Variants in FCHO1 observed in about 807,000 individuals in gnomAD.
FCHO1 encodes FCH and mu domain containing endocytic adaptor 1, also known as F-BAR domain only protein 1.
A neutral mutation model predicts 114.4 loss-of-function variants in FCHO1; 45 were observed. The ratio of observed to expected loss-of-function variants is 0.39; its 90% CI spans 0.31 to 0.50. The LOEUF (loss-of-function observed/expected upper bound fraction) is 0.50. Among genes scored for constraint, FCHO1 ranks in the 20% least tolerant of loss-of-function variants. The probability of loss-of-function intolerance (pLI) is 0.77; values close to 1 mark genes in which losing one functional copy is unlikely to be tolerated. For synonymous variants in FCHO1, 480 were observed against 488.9 expected (o/e 0.98, Z 0.24); for missense variants, 1,042 against 1,209.6 (o/e 0.86, Z 2.06).
rs71162196 is a variant in FCHO1, at chr19:17,767,074, G to GTT, written c.336+275_336+276dup. Among the ~76,000 whole-genome samples, 405 of 138,294 alleles carry GTT rather than the reference G, an allele frequency of 2.9e-3. 2 individuals are homozygous for GTT. The highest frequency in any genetic ancestry group is 3.8e-3 in the Middle Eastern group (1 of 266). The allele number at this position is 138,294 out of a possible 152,430, so 90.7% of individuals were successfully genotyped here. A position where few individuals can be genotyped will look rare whatever the true frequency, so the allele number is the denominator to read the frequency against. On this transcript the variant is annotated intron_variant, in intron 7 of 28. Coordinates refer to ENST00000596536, the MANE Select transcript of FCHO1 (RefSeq NM_015122.3). ...ACCAATGTTTGTACAGCTAAGAAGG[G>GTT]TTTTTTTTTTTTCTGCTTGTTTGTT... is the stretch of plus-strand genomic sequence containing the variant.
rs779427952 is a variant in FCHO1 at position 17,760,743 on chromosome 19, G to A, written c.28-2019G>A. Among the ~76,000 whole-genome samples, 90 of 152,144 alleles carry A rather than the reference G, an allele frequency of 5.9e-4. 1 individual carries two copies. Among genetic ancestry groups the A allele is most frequent in the Middle Eastern group, 6.8e-3 (2 of 294 alleles). On this transcript the variant is annotated intron_variant, in intron 4 of 28. Coordinates refer to ENST00000596536, the MANE Select transcript of FCHO1 (RefSeq NM_015122.3). Reference sequence around the variant, plus strand: ...TGGCTCATTGTAACCTCCGCCTCCCGGGTTCAAGTGATTCTCCTGCCTCAG... The same window carrying A: ...TGGCTCATTGTAACCTCCGCCTCCCAGGTTCAAGTGATTCTCCTGCCTCAG...
At chr19:17,783,240 T>G (rs1370686094) in intron 24 of FCHO1, 68 bp downstream of exon 24, 11 of 1,479,524 alleles carry the variant, frequency 7.4e-6, no homozygotes, top group Non-Finnish European at 1.0e-5. Context: ...GACTCTGAGT[T>G]CCCTCTCTGC....
In FCHO1 at chr19:17,778,898, G is replaced by A; in HGVS notation, c.1627+14G>A. On this transcript the variant is annotated intron_variant, in intron 20 of 28. Coordinates refer to ENST00000596536, the MANE Select transcript of FCHO1 (RefSeq NM_015122.3). ...TGGCCGGAGGAGGTGAGTCCAGCGG[G>A]CCTGGGCCTGAGAGTTGCTGGAACC... 1.3e-6 allele frequency: 2 copies of A among 1,531,462 alleles called. No individual in the cohort carries two copies. Among genetic ancestry groups the A allele is most frequent in the Non-Finnish European group, 1.7e-6 (2 of 1,147,760 alleles). 94.9% of individuals were successfully genotyped at this position (1,531,462 alleles called of 1,614,324 possible). A position where few individuals can be genotyped will look rare whatever the true frequency, so the allele number is the denominator to read the frequency against.
intron 18 of FCHO1, among the ~76,000 whole-genome samples, chr19:17,777,241 A>T (rs939981334): frequency 4.6e-5 from 7 of 152,040 alleles, no homozygotes; most frequent in African/African-American, 1.7e-4. Context: ...CCAGATTTTA[A>T]GAATAGCAAA....
At position 17,776,454 on chromosome 19, in the gene FCHO1, G is replaced by A. The variant is rs2092643633; in HGVS notation, c.1208-181G>A. 6.6e-6 allele frequency among the ~76,000 whole-genome samples: 1 copy of A among 152,120 alleles called. No homozygotes were observed. Among genetic ancestry groups the A allele is most frequent in the East Asian group, 1.9e-4 (1 of 5,200 alleles). ...AAGTGAGAGCTGAAAGGGGTAGCTG[G>A]GGCCAGGAGAAGCTAGCATCTGGAG... On this transcript the variant is annotated intron_variant, in intron 17 of 28. Coordinates refer to ENST00000596536, the MANE Select transcript of FCHO1 (RefSeq NM_015122.3). This position sits in a 1 kb window ranked among gnomAD's most constrained non-coding sequence, Gnocchi z 4.4.
chr19:17,761,631 TAC>T (rs1271384870), intron 4 of FCHO1, among the ~76,000 whole-genome samples: 2 of 91,466 alleles, frequency 2.2e-5, no homozygotes, highest in East Asian at 6.6e-4. Flanking sequence ...TTCATGTATA[TAC>T]ATATATATAT....
Position 17,764,416 on chromosome 19 carries a change from TCTCCAAGCTGGCCAGCAACGGGACCC to T in FCHO1, c.163_188del (p.Ser55HisfsTer104), listed in dbSNP as rs759209210. On this transcript the variant is annotated frameshift_variant, in exon 6 of 29. Coordinates refer to ENST00000596536, the MANE Select transcript of FCHO1 (RefSeq NM_015122.3). LOFTEE classifies it high-confidence loss of function. ...ACCTACTCGAAGGCGATGGCGAAAC[TCTCCAAGCTGGCCAGCAACGGGACCC>T]CCATGGGGTGAGTGGGGTAGGGGTC... The T allele has an allele frequency of 1.2e-6, 2 of 1,613,346 alleles. No homozygotes were observed. Among genetic ancestry groups the T allele is most frequent in the Non-Finnish European group, 1.7e-6 (2 of 1,179,822 alleles).
intron 5 of FCHO1, 42 bp from the exon 6 acceptor site, chr19:17,764,333 G>A (rs752242567): frequency 1.0e-5 from 16 of 1,593,978 alleles, no homozygotes; most frequent in African/African-American, 8.1e-5. Context: ...GAACCACTGC[G>A]CCCGGGCAGT....
At chr19:17,761,653 T>TATATATATATATAC (rs1491266072) in intron 4 of FCHO1, among the ~76,000 whole-genome samples, 4 of 139,728 alleles carry the variant, frequency 2.9e-5, no homozygotes, top group Non-Finnish European at 6.3e-5. Flanking sequence ...TATATATATA[T>TATATATATATATAC]ACACACACAC....
In FCHO1 at chr19:17,778,648, T is replaced by C. The variant is rs1321611777; in HGVS notation, c.1391T>C (p.Phe464Ser). 1.3e-6 allele frequency: 2 copies of C among 1,577,578 alleles called. No homozygotes were observed. Among genetic ancestry groups the C allele is most frequent in the Non-Finnish European group, 1.7e-6 (2 of 1,165,392 alleles). ...SLGFTSSPSP[F>S]SSSSPENVED... Reference sequence around the variant, plus strand: ...GGCTTCACCTCCAGCCCCTCCCCTTTCTCCTCCTCGTCGCCCGAAAACGTG... The same window carrying C: ...GGCTTCACCTCCAGCCCCTCCCCTTCCTCCTCCTCGTCGCCCGAAAACGTG... The change falls in exon 20 of 29, where the codon TTC becomes TCC. Residue 464 changes from phenylalanine (F) to serine (S), a missense_variant. Phe to Ser is a radical substitution (Grantham distance 155, BLOSUM62 -2). Transcript: ENST00000596536.
Position 17,782,103 on chromosome 19 carries a change from G to A in FCHO1, c.1937+283G>A, listed in dbSNP as rs147911977. Among the ~76,000 whole-genome samples, 548 of 151,642 alleles carry A rather than the reference G, an allele frequency of 3.6e-3. 3 individuals are homozygous for A. Among genetic ancestry groups the A allele is most frequent in the African/African-American group, 0.012 (504 of 41,208 alleles). The stretch of plus-strand genomic sequence containing the variant: ...CAGCTCACTGCAACCTCTGCCTCCC[G>A]GGTTCAAGCAATTCTCCTGTCTCAG... On this transcript the variant is annotated intron_variant, in intron 23 of 28. Coordinates refer to ENST00000596536, the MANE Select transcript of FCHO1 (RefSeq NM_015122.3).
intron 7 of FCHO1, among the ~76,000 whole-genome samples, chr19:17,768,553 G>C (rs73518396): frequency 0.044 from 6,661 of 151,896 alleles, 446 homozygotes; most frequent in African/African-American, 0.15. Context: ...TTAGCCAGAC[G>C]TGGTGGCACA....
At chr19:17,781,921 AG>A (rs2093449491) in intron 23 of FCHO1, 101 bp downstream of exon 23, 5 of 781,150 alleles carry the variant, frequency 6.4e-6, no homozygotes. Context: ...TTATAGTGAA[AG>A]GGCCTTGAAC....
intron 5 of FCHO1, among the ~76,000 whole-genome samples, chr19:17,763,428 T>G (rs1333709317): frequency 6.6e-6 from 1 of 151,858 alleles, no homozygotes; most frequent in Non-Finnish European, 1.5e-5. Context: ...CACGTCTGGC[T>G]AATTTTTTTA....
chr19:17,774,444 C>T lies in FCHO1; in HGVS notation c.886C>T (p.Arg296Trp), dbSNP rs764148944. The T allele has an allele frequency of 2.6e-5, 42 of 1,613,564 alleles. No homozygotes were observed. The African/African-American group carries it at 3.2e-4, about 12-fold the overall frequency. ...GGCCTTTCGCCTTCCAGGACTAAGC[C>T]GGCGGGAGCGGGAGCCAGAGCCACC... is the stretch of plus-strand genomic sequence containing the variant. ...AKAFRLPGLS[R>W]REREPEPPAA... Residue 296 changes from arginine (R) to tryptophan (W), a missense_variant, in exon 13 of 29, where the codon CGG (arginine) becomes TGG (tryptophan). Around this residue, in one of 3 missense-constraint regions of FCHO1, gnomAD observed 450 missense variants for 564.1 expected, o/e 0.80. Coordinates refer to ENST00000596536, the MANE Select transcript of FCHO1 (RefSeq NM_015122.3).
Position 17,783,120 on chromosome 19 carries a change from G to A in FCHO1, c.2041G>A (p.Val681Ile). 6.2e-7 allele frequency: 1 copy of A among 1,614,152 alleles called. No individual in the cohort carries two copies. The highest frequency in any genetic ancestry group is 1.1e-5 in the South Asian group (1 of 91,086). Residue 681 changes from valine (V) to isoleucine (I), a missense_variant, in exon 24 of 29, where the codon GTA becomes ATA. Physicochemically the swap from Val to Ile is conservative, Grantham distance 29 (BLOSUM62 3). Around this residue, in one of 3 missense-constraint regions of FCHO1, gnomAD observed 455 missense variants for 455.4 expected, o/e 1.00. Transcript: ENST00000596536. ...ACCACCTGTCCTCAGCTTCCGGCTT[G>A]TACACACAACCGCTATTGAGCACTT... The part of the protein sequence containing the change: ...PPPPVLSFRL[V>I]HTTAIEHFQP...
In FCHO1 at chr19:17,788,162, T is replaced by C. The variant is rs1351493143; in HGVS notation, c.2648-122T>C. 4 of 653,202 alleles carry C rather than the reference T, an allele frequency of 6.1e-6. No homozygotes were observed. The African/African-American group carries it at 7.4e-5, about 12-fold the overall frequency. 40.5% of individuals were successfully genotyped at this position (653,202 alleles called of 1,614,324 possible). A position where few individuals can be genotyped will look rare whatever the true frequency, so the allele number is the denominator to read the frequency against. ...CCTGGGGCCCAGTGGCAACAGGGAC[T>C]ATGAGTTACAGGGGTGTTTTGAAGA... On this transcript the variant is annotated intron_variant, in intron 28 of 28. Coordinates refer to ENST00000596536, the MANE Select transcript of FCHO1 (RefSeq NM_015122.3).
Position 17,781,580 on chromosome 19 carries a change from G to A in FCHO1, c.1828+41G>A. 5 of 1,605,278 alleles carry A rather than the reference G, an allele frequency of 3.1e-6. No homozygotes were observed. The South Asian group carries it at 5.5e-5, about 18-fold the overall frequency. ...CCTGGGCCTGGCTTTGGGCCTCAGT[G>A]TCACCTTCTCTGGTCTGGGTGGGTG... On this transcript the variant is annotated intron_variant, in intron 22 of 28. Transcript: ENST00000596536.
chr19:17,772,645 G>A lies in FCHO1; in HGVS notation c.694G>A (p.Val232Met). Residue 232 changes from valine to methionine, a missense_variant and splice_region_variant, in exon 11 of 29, where the codon GTG becomes ATG. Physicochemically the swap from Val to Met is conservative, Grantham distance 21. Around this residue, in one of 3 missense-constraint regions of FCHO1, gnomAD observed 450 missense variants for 564.1 expected, o/e 0.80. Coordinates refer to ENST00000596536, the MANE Select transcript of FCHO1 (RefSeq NM_015122.3). ...VEDTHVQIGQ[V>M]HEEFKQNIEN... ...TACACACCCCGCCCACCCGGCACAG[G>A]TGCATGAGGAATTTAAGCAGAACAT... 1 of 1,614,108 alleles carries A rather than the reference G, an allele frequency of 6.2e-7. No individual in the cohort carries two copies. The highest frequency in any genetic ancestry group is 8.5e-7 in the Non-Finnish European group (1 of 1,180,016).
Sources: allele counts gnomAD v4.1 joint callset (sites outside exome capture counted in the v4.1 genomes callset), GRCh38; gene constraint gnomAD v4.1.1; regional missense constraint gnomAD v4.1.1; non-coding constraint Gnocchi (gnomAD v3.1); transcripts MANE v1.5; gene names NCBI Gene and HGNC (gene_info 2026-07-23, HGNC 2026-07-21).